Variants in TBC1D19 observed in about 807,000 individuals in gnomAD.
TBC1D19 encodes the protein TBC1 domain family member 19, also known as TBC1 domain family, member 19.
Under a neutral mutation model 89.0 loss-of-function variants are expected in TBC1D19, and 60 were observed. The ratio of observed to expected loss-of-function variants is 0.67; its 90% CI spans 0.55 to 0.84. The LOEUF is 0.84. Ranked by LOEUF, TBC1D19 falls within the 40% of genes least tolerant of loss-of-function variation. The pLI, the probability that TBC1D19 is intolerant of heterozygous loss-of-function variation, is 0.00. For synonymous variants in TBC1D19, 189 were observed against 199.7 expected (o/e 0.95, Z 0.45); for missense variants, 500 against 610.8 (o/e 0.82, Z 1.91).
chr4:26,593,536 G>A (rs377148914), intron 1 of TBC1D19, among the ~76,000 whole-genome samples: 263 of 152,050 alleles, frequency 1.7e-3, no homozygotes, highest in Non-Finnish European at 2.9e-3. Context: ...AGAAACTACC[G>A]TCAGAGTGAA....
At chr4:26,763,986 T>C in the TBC1D19 span, among the ~76,000 whole-genome samples, 10 of 152,336 alleles carry the variant, frequency 6.6e-5, no homozygotes, top group African/African-American at 1.9e-4. Context: ...CCCTAGGTGA[T>C]GTACAGTATG....
At chr4:26,701,317 C>T (rs1167184372) in intron 13 of TBC1D19, among the ~76,000 whole-genome samples, 1 of 114,640 alleles carries the variant, frequency 8.7e-6, no homozygotes, top group Non-Finnish European at 2.1e-5. Flanking sequence ...CACTCATCTG[C>T]ACAAACACAC....
chr4:26,740,413 A>G (rs1718289270), intron 17 of TBC1D19, among the ~76,000 whole-genome samples: 1 of 152,170 alleles, frequency 6.6e-6, no homozygotes, highest in Non-Finnish European at 1.5e-5. Context: ...TATAATTATA[A>G]TCATCATTCT....
chr4:26,761,864 C>A, the TBC1D19 span, among the ~76,000 whole-genome samples: 1 of 152,106 alleles, frequency 6.6e-6, no homozygotes, highest in African/African-American at 2.4e-5. Context: ...CGGTGGCTCA[C>A]GCCTGTAATC....
At chr4:26,699,456 G>A (rs1160245369) in intron 13 of TBC1D19, among the ~76,000 whole-genome samples, 7 of 152,264 alleles carry the variant, frequency 4.6e-5, no homozygotes, top group Admixed American at 1.3e-4. Flanking sequence ...ATAGTGTGGC[G>A]ATTCCTCAAG....
rs528434989 is a variant in TBC1D19 at position 26,587,403 on chromosome 4, C to A, written c.99+3111C>A. 1.6e-4 allele frequency among the ~76,000 whole-genome samples: 25 copies of A among 152,018 alleles called. No individual in the cohort carries two copies. In the South Asian group the frequency reaches 5.0e-3, roughly 30 times the overall value. Reference sequence around the variant, plus strand: ...GACCAGCCTGGGCAACATGGCAAAACCCTATCTCCACAAAAAATACAAAAA... The same window carrying A: ...GACCAGCCTGGGCAACATGGCAAAAACCTATCTCCACAAAAAATACAAAAA... On this transcript the variant is annotated intron_variant, in intron 1 of 20. Coordinates refer to ENST00000264866, the MANE Select transcript of TBC1D19 (RefSeq NM_018317.4).
At chr4:26,840,626 T>G in the TBC1D19 span, among the ~76,000 whole-genome samples, 1 of 152,064 alleles carries the variant, frequency 6.6e-6, no homozygotes, top group Non-Finnish European at 1.5e-5. Flanking sequence ...TTCTATTTTC[T>G]CCTCCTCGTG....
At chr4:26,847,521 G>A in the TBC1D19 span, among the ~76,000 whole-genome samples, 5 of 152,186 alleles carry the variant, frequency 3.3e-5, no homozygotes, top group Non-Finnish European at 5.9e-5. Flanking sequence ...TTCTAGGACC[G>A]GTGATGAGAC....
chr4:26,758,174 C>T (rs1267779979), downstream of TBC1D19, among the ~76,000 whole-genome samples: 1 of 152,134 alleles, frequency 6.6e-6, no homozygotes, highest in Non-Finnish European at 1.5e-5. Context: ...GTTCATCACT[C>T]ATATGATGCT....
the TBC1D19 span, among the ~76,000 whole-genome samples, chr4:26,782,843 C>A: frequency 4.7e-5 from 7 of 149,964 alleles, no homozygotes; most frequent in Non-Finnish European, 8.9e-5. Context: ...AAAAAAAAAA[C>A]CAGCTTGCTC....
intron 4 of TBC1D19, among the ~76,000 whole-genome samples, chr4:26,636,017 A>G (rs535420700): frequency 6.6e-6 from 1 of 152,246 alleles, no homozygotes; most frequent in South Asian, 2.1e-4. Flanking sequence ...TTATCATATT[A>G]TGCCACTGTT....
At chr4:26,641,703 A>C (rs1288208051) in intron 7 of TBC1D19, among the ~76,000 whole-genome samples, 3 of 152,234 alleles carry the variant, frequency 2.0e-5, no homozygotes, top group Admixed American at 6.5e-5. Context: ...CGAATGGCTA[A>C]CTAGAATAAA....
At position 26,748,443 on chromosome 4, in the gene TBC1D19, C is replaced by T. The variant is rs1394895225; in HGVS notation, c.1352C>T (p.Ala451Val). The change falls in exon 19 of 21, where the codon GCT becomes GTT. Residue 451 changes from alanine (A) to valine (V), a missense_variant. Ala to Val is a moderately conservative substitution (Grantham distance 64). Around this residue, in one of 2 missense-constraint regions of TBC1D19, gnomAD observed 220 missense variants for 319.1 expected, o/e 0.69. Coordinates refer to ENST00000264866, the MANE Select transcript of TBC1D19 (RefSeq NM_018317.4). ...LRISFKWMVR[A>V]FSGYLATDQL... ...ATATCATTTAAGTGGATGGTTCGAGCTTTCTCTGGATACTTAGCTACAGAT... is the reference window on the plus strand; with the variant it reads ...ATATCATTTAAGTGGATGGTTCGAGTTTTCTCTGGATACTTAGCTACAGAT... 6.2e-7 allele frequency: 1 copy of T among 1,613,808 alleles called. No individual in the cohort carries two copies. Among genetic ancestry groups the T allele is most frequent in the Non-Finnish European group, 8.5e-7 (1 of 1,179,826 alleles).
At chr4:26,841,874 T>C in the TBC1D19 span, among the ~76,000 whole-genome samples, 2 of 152,234 alleles carry the variant, frequency 1.3e-5, no homozygotes, top group Non-Finnish European at 2.9e-5. Flanking sequence ...AATGTTCTAA[T>C]ATTTACATCT....
At chr4:26,837,960 T>C in the TBC1D19 span, among the ~76,000 whole-genome samples, 1 of 152,074 alleles carries the variant, frequency 6.6e-6, no homozygotes, top group Admixed American at 6.5e-5. Context: ...TTCTGCAAGG[T>C]GTTAAGGAGA....
the TBC1D19 span, among the ~76,000 whole-genome samples, chr4:26,802,446 CA>C: frequency 3.3e-5 from 5 of 151,826 alleles, no homozygotes; most frequent in Non-Finnish European, 7.4e-5. Context: ...ACTAAAAATA[CA>C]AAAAATTAGC....
chr4:26,692,657 G>C (rs1360336404), intron 13 of TBC1D19, among the ~76,000 whole-genome samples: 3 of 152,212 alleles, frequency 2.0e-5, no homozygotes, highest in Admixed American at 2.0e-4. Context: ...TCTGAACAAT[G>C]AAGATTTTAA....
the TBC1D19 span, among the ~76,000 whole-genome samples, chr4:26,814,700 C>T: frequency 6.6e-6 from 1 of 152,164 alleles, no homozygotes; most frequent in Non-Finnish European, 1.5e-5. Flanking sequence ...GCATTTTGTC[C>T]AGTGTTTTTA....
chr4:26,736,552 T>C (rs749151046), intron 16 of TBC1D19, among the ~76,000 whole-genome samples: 2 of 152,044 alleles, frequency 1.3e-5, no homozygotes, highest in South Asian at 2.1e-4. Flanking sequence ...AATAAAAAAA[T>C]AGAACATACT....
Sources: allele counts gnomAD v4.1 joint callset (sites outside exome capture counted in the v4.1 genomes callset), GRCh38; gene constraint gnomAD v4.1.1; regional missense constraint gnomAD v4.1.1; transcripts MANE v1.5; gene names NCBI Gene and HGNC (gene_info 2026-07-23, HGNC 2026-07-21).